The following ASPH variants were observed in gnomAD, a reference collection of about 807,000 sequenced individuals.
ASPH encodes aspartate beta-hydroxylase.
A neutral mutation model predicts 118.4 loss-of-function variants in ASPH; 100 were observed. The observed-to-expected ratio is 0.84, with a 90% confidence interval of 0.72 to 1.00. ASPH has a LOEUF of 1.00. Among genes scored for constraint, ASPH ranks in the 50% least tolerant of loss-of-function variants. ASPH has a pLI of 0.00. For missense variants in ASPH, 920 were observed against 919.5 expected, an observed-to-expected ratio of 1.00 and a Z score of -0.01; for synonymous variants, 315 against 325.6, an observed-to-expected ratio of 0.97 and a Z score of 0.35.
chr8:61,562,613 A>G (rs1830395445), intron 18 of ASPH, 131 bp downstream of exon 18: 1 of 934,446 alleles, frequency 1.1e-6, no homozygotes, highest in South Asian at 2.7e-5. Flanking sequence ...AGTTTAGAAT[A>G]TGTTAACTAT....
intron 1 of ASPH, among the ~76,000 whole-genome samples, chr8:61,698,162 C>T (rs943627686): frequency 1.3e-5 from 2 of 152,066 alleles, no homozygotes; most frequent in Admixed American, 1.3e-4. Context: ...GGGCAGGACC[C>T]AGAAGCAGTT....
At chr8:61,635,713 C>T (rs1428047543) in intron 12 of ASPH, among the ~76,000 whole-genome samples, 1 of 152,148 alleles carries the variant, frequency 6.6e-6, no homozygotes. Flanking sequence ...ATCTTTGCTT[C>T]ACAACCATCA....
chr8:61,548,357 G>T, intron 20 of ASPH, 149 bp from the exon 21 acceptor site: 3 of 969,854 alleles, frequency 3.1e-6, no homozygotes, highest in Non-Finnish European at 4.3e-6. Context: ...GTTGAAATCT[G>T]GTGAAAATAT....
chr8:61,504,239 AAG>A (rs1178570667), intron 24 of ASPH, among the ~76,000 whole-genome samples: 2 of 152,202 alleles, frequency 1.3e-5, no homozygotes, highest in Admixed American at 1.3e-4. Flanking sequence ...TTCAAATCCA[AAG>A]AGAGTTTATG....
chr8:61,672,077 T>A (rs1473125842), intron 3 of ASPH, among the ~76,000 whole-genome samples: 1 of 152,320 alleles, frequency 6.6e-6, no homozygotes, highest in East Asian at 1.9e-4. Flanking sequence ...ATTTCAACAT[T>A]GACTACAAAT....
chr8:61,697,171 C>T (rs1338560095), intron 1 of ASPH, among the ~76,000 whole-genome samples: 5 of 152,148 alleles, frequency 3.3e-5, no homozygotes, highest in Non-Finnish European at 5.9e-5. Context: ...ATAAAACACA[C>T]GTCTTACAGT....
chr8:61,652,905 T>C (rs930884868), intron 4 of ASPH, among the ~76,000 whole-genome samples: 1 of 152,152 alleles, frequency 6.6e-6, no homozygotes, highest in South Asian at 2.1e-4. Context: ...CAAAGTACCA[T>C]TTGGATTCAG....
At chr8:61,524,048 G>A (rs890034567) in intron 22 of ASPH, among the ~76,000 whole-genome samples, 6 of 152,310 alleles carry the variant, frequency 3.9e-5, no homozygotes, top group South Asian at 2.1e-4. Flanking sequence ...ACCATTGCAC[G>A]CCAACCTGGG....
chr8:61,660,497 G>C (rs978549573), intron 3 of ASPH: 9 of 152,146 alleles, frequency 5.9e-5, no homozygotes, highest in African/African-American at 1.9e-4. Context: ...CACCCCATAA[G>C]GAGTAGGGTT....
chr8:61,517,643 G>A lies in ASPH; in HGVS notation c.2011C>T (p.His671Tyr). 1 of 1,613,900 alleles carries A rather than the reference G, an allele frequency of 6.2e-7. No individual in the cohort carries two copies. Among genetic ancestry groups the A allele is most frequent in the Non-Finnish European group, 8.5e-7 (1 of 1,179,838 alleles). ...TGCGGCCACACGTGAGTCCCGGGGT[G>A]CATGATGGAATATTTGATCTGCATA... ...RRGQIKYSIM[H>Y]PGTHVWPHTG... The change falls in exon 24 of 25, where the codon CAC becomes TAC. Residue 671 changes from histidine (H) to tyrosine (Y), a missense_variant. Coordinates refer to ENST00000379454, the MANE Select transcript of ASPH (RefSeq NM_004318.4).
At chr8:61,681,109 GAA>G in intron 2 of ASPH, 73 bp from the exon 3 acceptor site, 13 of 1,200,054 alleles carry the variant, frequency 1.1e-5, no homozygotes, top group Non-Finnish European at 1.4e-5. Flanking sequence ...ATAACTTAGT[GAA>G]GTCATGCAAC....
At chr8:61,681,487 A>C (rs1828031497) in intron 2 of ASPH, among the ~76,000 whole-genome samples, 1 of 151,854 alleles carries the variant, frequency 6.6e-6, no homozygotes, top group South Asian at 2.1e-4. Flanking sequence ...CCTCAAATAA[A>C]GACCAAATGT....
intron 3 of ASPH, among the ~76,000 whole-genome samples, chr8:61,671,130 T>A (rs1822291945): frequency 2.6e-5 from 4 of 152,128 alleles, no homozygotes; most frequent in Non-Finnish European, 5.9e-5. Flanking sequence ...AAATATTAGT[T>A]TGCGGGCATT....
intron 21 of ASPH, among the ~76,000 whole-genome samples, chr8:61,547,393 A>G (rs1041765125): frequency 3.3e-4 from 50 of 152,350 alleles, no homozygotes; most frequent in African/African-American, 1.1e-3. Context: ...AGTGTGTTTC[A>G]AGGACATCTG....
At position 61,555,933 on chromosome 8, in the gene ASPH, T is replaced by C; in HGVS notation, c.1527A>G (p.Pro509=). ...AAGCAGTGAGCATTACCTTTAAATA[T>C]GGGATGCTCTCAGCAATTTTGTTCT... The part of the protein sequence containing the change: ...KAQNKIAESI[P]YLKEGIESGD... The change falls in exon 19 of 25, where the codon CCA becomes CCG. Residue 509 remains proline, a synonymous_variant. Transcript: ENST00000379454. 2 of 1,613,610 alleles carry C rather than the reference T, an allele frequency of 1.2e-6. No individual in the cohort carries two copies. The highest frequency in any genetic ancestry group is 1.7e-6 in the Non-Finnish European group (2 of 1,179,638).
In ASPH at chr8:61,654,262, A is replaced by G. The variant is rs139829991; in HGVS notation, c.323-602T>C. On this transcript the variant is annotated intron_variant, in intron 3 of 24. Transcript: ENST00000379454. The stretch of plus-strand genomic sequence containing the variant: ...TCCTAATAAGACAGCAGGGTATGTT[A>G]ACATGAAACTGATTTTAAAGTCAAG... 2.8e-3 allele frequency among the ~76,000 whole-genome samples: 431 copies of G among 152,352 alleles called. 5 individuals are homozygous for G. The highest frequency in any genetic ancestry group is 9.7e-3 in the African/African-American group (403 of 41,588).
intron 16 of ASPH, among the ~76,000 whole-genome samples, chr8:61,572,179 A>G (rs989071175): frequency 5.9e-5 from 9 of 152,234 alleles, no homozygotes; most frequent in African/African-American, 2.2e-4. Flanking sequence ...CAGCTGAGTT[A>G]GTTCCTGTGT....
rs538445362 is a variant in ASPH, at chr8:61,514,578, G to A, written c.2126+2950C>T. On this transcript the variant is annotated intron_variant, in intron 24 of 24. Transcript: ENST00000379454. ...CAGAAAATTAGCCAGGTGTGGTGGC[G>A]GGTGCCTGTAGTCCCAGCTACTTGG... Among the ~76,000 whole-genome samples, 104 of 152,064 alleles carry A rather than the reference G, an allele frequency of 6.8e-4. 1 individual carries two copies. In the Middle Eastern group the frequency reaches 0.027, roughly 40 times the overall value.
At position 61,567,254 on chromosome 8, in the gene ASPH, T is replaced by C. The variant is rs1442828484; in HGVS notation, c.1214A>G (p.Tyr405Cys). 1 of 1,614,166 alleles carries C rather than the reference T, an allele frequency of 6.2e-7. No individual in the cohort carries two copies. The highest frequency in any genetic ancestry group is 1.7e-5 in the Admixed American group (1 of 60,018). Residue 405 changes from tyrosine (Y) to cysteine (C), a missense_variant, in exon 17 of 25, where the codon TAC becomes TGC. Tyr to Cys is a radical substitution (Grantham distance 194). Coordinates refer to ENST00000379454, the MANE Select transcript of ASPH (RefSeq NM_004318.4). ...NEVLRGAIETYQEVASLPDVP... is the reference protein window; with the variant it reads ...NEVLRGAIETCQEVASLPDVP... ...ATCAGGTAGGCTGGCCACCTCTTGG[T>C]AGGTCTCGATGGCTCCACGTAGCAC...
Sources: allele counts gnomAD v4.1 joint callset (sites outside exome capture counted in the v4.1 genomes callset), GRCh38; gene constraint gnomAD v4.1.1; transcripts MANE v1.5; gene names NCBI Gene and HGNC (gene_info 2026-07-23, HGNC 2026-07-21).